VEPH1: variants seen among roughly 807,000 people sequenced by gnomAD.
VEPH1 encodes the protein ventricular zone expressed PH domain containing 1, also known as ventricular zone-expressed PH domain-containing protein homolog 1.
Under a neutral mutation model 85.2 loss-of-function variants are expected in VEPH1, and 80 were observed. The ratio of observed to expected loss-of-function variants is 0.94; its 90% CI spans 0.78 to 1.13. VEPH1 has a LOEUF of 1.13. Ranked by LOEUF, VEPH1 falls within the 50% of genes most tolerant of loss-of-function variation. The pLI is 0.00. For synonymous variants in VEPH1, 297 were observed against 348.0 expected (o/e 0.85, Z 1.63); for missense variants, 955 against 980.5 (o/e 0.97, Z 0.35).
intron 2 of VEPH1, among the ~76,000 whole-genome samples, chr3:157,471,655 T>C (rs1450929643): frequency 6.6e-6 from 1 of 152,138 alleles, no homozygotes; most frequent in Non-Finnish European, 1.5e-5. Flanking sequence ...CTGTTTGTAT[T>C]TTCTCCTTTG....
chr3:157,343,217 C>CA (rs1246456829), intron 9 of VEPH1, among the ~76,000 whole-genome samples: 3 of 151,962 alleles, frequency 2.0e-5, no homozygotes, highest in South Asian at 4.1e-4. Flanking sequence ...AAAAACCCTT[C>CA]AAAAAATCAA....
chr3:157,483,123 T>TACACACAC (rs60205276), intron 2 of VEPH1, among the ~76,000 whole-genome samples: 13,098 of 146,892 alleles, frequency 0.089, 610 homozygotes, highest in East Asian at 0.15. Context: ...TTTAAAAGCA[T>TACACACAC]ACACACACAC....
At chr3:157,451,919 G>T (rs999220609) in intron 4 of VEPH1, among the ~76,000 whole-genome samples, 1 of 152,112 alleles carries the variant, frequency 6.6e-6, no homozygotes. Flanking sequence ...TCTCATGAAA[G>T]AAAAGTGTAA....
chr3:157,461,748 C>G (rs1196761675), intron 3 of VEPH1, among the ~76,000 whole-genome samples: 2 of 152,042 alleles, frequency 1.3e-5, no homozygotes, highest in African/African-American at 4.8e-5. Flanking sequence ...TATCCCCACC[C>G]CTATATCTGC....
chr3:157,472,046 C>A (rs972824015), intron 2 of VEPH1, among the ~76,000 whole-genome samples: 2 of 152,166 alleles, frequency 1.3e-5, no homozygotes, highest in Non-Finnish European at 2.9e-5. Context: ...GTCCCAGTCC[C>A]CTTCCTCAGC....
chr3:157,450,491 G>C (rs1734886184), intron 4 of VEPH1, among the ~76,000 whole-genome samples: 1 of 151,734 alleles, frequency 6.6e-6, no homozygotes, highest in Non-Finnish European at 1.5e-5. Context: ...ACAGTAAATA[G>C]AAGTAGATAT....
intron 9 of VEPH1, among the ~76,000 whole-genome samples, chr3:157,331,379 C>T (rs1722487657): frequency 1.3e-5 from 2 of 152,194 alleles, no homozygotes; most frequent in African/African-American, 2.4e-5. Flanking sequence ...TTAGTCTCTT[C>T]TCATACAACA....
chr3:157,392,572 C>T (rs1170736551), intron 6 of VEPH1, among the ~76,000 whole-genome samples: 2 of 151,996 alleles, frequency 1.3e-5, no homozygotes, highest in Non-Finnish European at 2.9e-5. Context: ...GAAGAATTGT[C>T]TTGGGCCACA....
chr3:157,493,328 A>G (rs1207215257), intron 2 of VEPH1: 10 of 455,594 alleles, frequency 2.2e-5, no homozygotes, highest in Non-Finnish European at 4.4e-5. Flanking sequence ...TTGATTACTG[A>G]GATCCAAGGT....
At chr3:157,405,964 CA>C (rs1464727914) in intron 6 of VEPH1, among the ~76,000 whole-genome samples, 1 of 152,134 alleles carries the variant, frequency 6.6e-6, no homozygotes, top group Non-Finnish European at 1.5e-5. Flanking sequence ...AGAGGATATG[CA>C]ACATCAATAC....
chr3:157,308,248 AAAATGCT>A (rs1719731850), intron 11 of VEPH1, among the ~76,000 whole-genome samples: 1 of 151,894 alleles, frequency 6.6e-6, no homozygotes, highest in Admixed American at 6.6e-5. Flanking sequence ...GGATCACTGT[AAAATGCT>A]AAATTTTGAA....
At chr3:157,467,150 T>TGTGTGTGC in intron 3 of VEPH1, among the ~76,000 whole-genome samples, 1 of 150,942 alleles carries the variant, frequency 6.6e-6, no homozygotes, top group Non-Finnish European at 1.5e-5. Context: ...TGTGTGTGTG[T>TGTGTGTGC]ACACATTTAG....
At chr3:157,468,204 A>G (rs758928687) in intron 3 of VEPH1, among the ~76,000 whole-genome samples, 12 of 152,212 alleles carry the variant, frequency 7.9e-5, no homozygotes, top group Non-Finnish European at 1.2e-4. Flanking sequence ...CTTCACCCAG[A>G]AAACTTTATC....
chr3:157,405,592 A>G (rs937549639), intron 6 of VEPH1, among the ~76,000 whole-genome samples: 4 of 152,026 alleles, frequency 2.6e-5, no homozygotes, highest in Admixed American at 6.6e-5. Context: ...GAAATGCTTC[A>G]TGGTTTCTAG....
At chr3:157,480,261 A>G (rs1045576473) in intron 2 of VEPH1, among the ~76,000 whole-genome samples, 1 of 151,544 alleles carries the variant, frequency 6.6e-6, no homozygotes, top group East Asian at 1.9e-4. Context: ...TTTGTCTGGG[A>G]AAGTATTTAT....
At chr3:157,449,083 A>G (rs1267241291) in intron 4 of VEPH1, among the ~76,000 whole-genome samples, 1 of 152,200 alleles carries the variant, frequency 6.6e-6, no homozygotes, top group East Asian at 1.9e-4. Flanking sequence ...TGTGAGTCCA[A>G]TAAACATCTT....
intron 4 of VEPH1, chr3:157,437,902 T>C (rs1275341269): frequency 1.3e-6 from 2 of 1,522,918 alleles, no homozygotes; most frequent in Non-Finnish European, 1.7e-6. Context: ...TGCCCGGAGC[T>C]GGCTGCCGGC....
intron 6 of VEPH1, among the ~76,000 whole-genome samples, chr3:157,381,859 T>C (rs977671593): frequency 1.3e-5 from 2 of 152,210 alleles, no homozygotes; most frequent in Non-Finnish European, 2.9e-5. Context: ...GTCTGCTTCT[T>C]TGAGATTTTT....
chr3:157,277,541 A>C (rs1715553539), intron 12 of VEPH1, among the ~76,000 whole-genome samples: 1 of 152,212 alleles, frequency 6.6e-6, no homozygotes, highest in African/African-American at 2.4e-5. Flanking sequence ...ACTTTTATGG[A>C]ATTTTTAAAC....
Sources: gnomAD v4.1 joint callset for allele counts (sites outside exome capture counted in the v4.1 genomes callset) on GRCh38, gnomAD v4.1.1 for gene constraint, MANE v1.5 for transcripts, NCBI Gene and HGNC (gene_info 2026-07-23, HGNC 2026-07-21) for gene names.